MDM4: variants seen among roughly 807,000 people sequenced by gnomAD.
MDM4 encodes the protein MDM4 regulator of p53.
Under a neutral mutation model 60.2 loss-of-function variants are expected in MDM4, and 2 were observed. The ratio of observed to expected loss-of-function variants is 0.03; its 90% CI spans 0.01 to 0.10. The LOEUF is 0.10. Ranked by LOEUF, MDM4 falls within the 10% of genes least tolerant of loss-of-function variation. MDM4 has a pLI of 1.00. For synonymous variants in MDM4, 202 were observed against 198.1 expected (o/e 1.02, Z -0.17); for missense variants, 447 against 577.5 (o/e 0.77, Z 2.32).
At chr1:204,523,808 A>G (rs1467056121) in intron 1 of MDM4, among the ~76,000 whole-genome samples, 1 of 152,132 alleles carries the variant, frequency 6.6e-6, no homozygotes, top group Non-Finnish European at 1.5e-5. Flanking sequence ...TCACGGATGG[A>G]GCAATGGTGA....
chr1:204,537,595 A>G, intron 6 of MDM4, 98 bp downstream of exon 6: 2 of 847,904 alleles, frequency 2.4e-6, no homozygotes, highest in South Asian at 2.9e-5. Flanking sequence ...TGAATGTGGT[A>G]AGAATTTAAT....
At position 204,555,084 on chromosome 1, in the gene MDM4, A is replaced by G. The variant is rs933118481; in HGVS notation, c.*5402A>G. On this transcript the variant is annotated 3_prime_UTR_variant, in exon 11 of 11. Transcript: ENST00000367182. ...AAATCCAAGATGCTGCTTCCCCTGCAGGTTGTTTTCCTTCTTACGATCCTC... is the reference window on the plus strand; with the variant it reads ...AAATCCAAGATGCTGCTTCCCCTGCGGGTTGTTTTCCTTCTTACGATCCTC... The G allele has an allele frequency of 4.8e-6, 1 of 209,288 alleles. No homozygotes were observed. The highest frequency in any genetic ancestry group is 9.7e-6 in the Non-Finnish European group (1 of 103,092). The allele number at this position is 209,288 out of a possible 1,614,324, so 13.0% of individuals were successfully genotyped here. A position where few individuals can be genotyped will look rare whatever the true frequency, so the allele number is the denominator to read the frequency against.
At position 204,551,612 on chromosome 1, in the gene MDM4, G is replaced by C; in HGVS notation, c.*1930G>C. 2 of 231,406 alleles carry C rather than the reference G, an allele frequency of 8.6e-6. No homozygotes were observed. Among genetic ancestry groups the C allele is most frequent in the East Asian group, 6.1e-5 (1 of 16,406 alleles). 14.3% of individuals were successfully genotyped at this position (231,406 alleles called of 1,614,324 possible). A position where few individuals can be genotyped will look rare whatever the true frequency, so the allele number is the denominator to read the frequency against. ...ATGGAAATTGGACATCTTTAAGTTG[G>C]TTTCCATAGAGCTATGCATGTATCC... On this transcript the variant is annotated 3_prime_UTR_variant, in exon 11 of 11. Coordinates refer to ENST00000367182, the MANE Select transcript of MDM4 (RefSeq NM_002393.5).
At chr1:204,538,381 G>A (rs551518563) in intron 7 of MDM4, 73 bp downstream of exon 7, 26 of 799,736 alleles carry the variant, frequency 3.3e-5, no homozygotes, top group Non-Finnish European at 4.9e-5. Context: ...TAATCTCTCC[G>A]TATGTGAAGT....
At chr1:204,518,770 A>G (rs371155470) in intron 1 of MDM4, among the ~76,000 whole-genome samples, 2 of 152,308 alleles carry the variant, frequency 1.3e-5, no homozygotes, top group East Asian at 1.9e-4. Flanking sequence ...GGTTCAAGCT[A>G]TTCTTCTGCC....
intron 9 of MDM4, among the ~76,000 whole-genome samples, chr1:204,546,347 G>T (rs889338270): frequency 6.6e-6 from 1 of 152,034 alleles, no homozygotes. Flanking sequence ...GACTACAGGC[G>T]TGCACCACCA....
At chr1:204,542,074 G>A (rs1194995000) in intron 7 of MDM4, among the ~76,000 whole-genome samples, 1 of 152,198 alleles carries the variant, frequency 6.6e-6, no homozygotes, top group African/African-American at 2.4e-5. Flanking sequence ...TACAATGTGA[G>A]ATCTTTTACT....
At chr1:204,535,157 C>CTTTTTT (rs869147485) in intron 5 of MDM4, among the ~76,000 whole-genome samples, 1 of 130,136 alleles carries the variant, frequency 7.7e-6, no homozygotes, top group Non-Finnish European at 1.7e-5. Context: ...AATGGTAGTT[C>CTTTTTT]TTTTTTTTTT....
intron 5 of MDM4, among the ~76,000 whole-genome samples, chr1:204,535,816 C>T (rs1661350642): frequency 2.0e-5 from 3 of 151,942 alleles, no homozygotes; most frequent in Admixed American, 2.0e-4. Context: ...TCTGGGATTA[C>T]AGGCGTGAGC....
intron 8 of MDM4, among the ~76,000 whole-genome samples, chr1:204,544,022 G>A (rs142408646): frequency 1.4e-4 from 21 of 152,350 alleles, no homozygotes; most frequent in Admixed American, 1.4e-3. Flanking sequence ...AGCATGTCAT[G>A]AAATATTCAT....
chr1:204,552,872 CTTTTTTTT>C lies in MDM4; in HGVS notation c.*3199_*3206del, dbSNP rs71147703. On this transcript the variant is annotated 3_prime_UTR_variant, in exon 11 of 11. Coordinates refer to ENST00000367182, the MANE Select transcript of MDM4 (RefSeq NM_002393.5). ...AACTTTAAACTATTTCTTTTCTTTT[CTTTTTTTT>C]TTTTTTTTACTTGAGATGGAGTTTT... The C allele has an allele frequency of 6.0e-5, 8 of 133,974 alleles. No homozygotes were observed. The highest frequency in any genetic ancestry group is 1.1e-4 in the Non-Finnish European group (7 of 62,694). The allele number at this position is 133,974 out of a possible 1,614,324, so 8.3% of individuals were successfully genotyped here. A position where few individuals can be genotyped will look rare whatever the true frequency, so the allele number is the denominator to read the frequency against.
Position 204,548,928 on chromosome 1 carries a change from G to C in MDM4, c.904-185G>C, listed in dbSNP as rs183001402. ...TTTTGGCTTGAAAATAGCAGTTGTG[G>C]CACTATCAGTGTAAACCTTCCAAAG... is the stretch of plus-strand genomic sequence containing the variant. On this transcript the variant is annotated intron_variant, in intron 10 of 10. Transcript: ENST00000367182. Among the ~76,000 whole-genome samples the C allele has an allele frequency of 1.4e-3, 216 of 152,106 alleles. 1 individual carries two copies. Among genetic ancestry groups the C allele is most frequent in the Non-Finnish European group, 2.3e-3 (158 of 68,018 alleles).
intron 5 of MDM4, among the ~76,000 whole-genome samples, chr1:204,535,760 C>CA (rs1256264072): frequency 1.3e-5 from 2 of 150,760 alleles, no homozygotes; most frequent in Admixed American, 1.3e-4. Context: ...AGGCTGGTCT[C>CA]AAACTCCTGG....
chr1:204,529,586 A>G (rs929869620), intron 3 of MDM4: 19 of 1,384,680 alleles, frequency 1.4e-5, no homozygotes, highest in African/African-American at 2.9e-5. Flanking sequence ...GCACGCTGCC[A>G]TACTGCCCTC....
chr1:204,537,072 G>A (rs1042540087), intron 5 of MDM4: 2 of 255,684 alleles, frequency 7.8e-6, no homozygotes, highest in Non-Finnish European at 1.5e-5. Flanking sequence ...TGAGTTAGGC[G>A]AATTTGGTAA....
intron 3 of MDM4, among the ~76,000 whole-genome samples, chr1:204,529,986 C>T (rs1201261168): frequency 6.6e-6 from 1 of 152,190 alleles, no homozygotes; most frequent in Non-Finnish European, 1.5e-5. Flanking sequence ...AAGTGATCCT[C>T]CCGCCTCAGC....
At chr1:204,548,908 G>A (rs1225367979) in intron 10 of MDM4, among the ~76,000 whole-genome samples, 3 of 151,884 alleles carry the variant, frequency 2.0e-5, no homozygotes, top group African/African-American at 7.3e-5. Context: ...TCAGATTTTG[G>A]CTTGAAAATA....
At position 204,550,121 on chromosome 1, in the gene MDM4, C is replaced by T. The variant is rs145916141; in HGVS notation, c.*439C>T. ...ACAGTCCTTCAGCTATTTCATGGCT[C>T]TCACCCTAGTTTTTTTTTTTTTTGC... On this transcript the variant is annotated 3_prime_UTR_variant, in exon 11 of 11. Coordinates refer to ENST00000367182, the MANE Select transcript of MDM4 (RefSeq NM_002393.5). 5.7e-3 allele frequency: 1,324 copies of T among 231,614 alleles called. 18 individuals are homozygous for T. The highest frequency in any genetic ancestry group is 0.025 in the African/African-American group (1,137 of 45,104). The allele number at this position is 231,614 out of a possible 1,614,324, so 14.3% of individuals were successfully genotyped here.
chr1:204,530,142 C>G (rs1660719284), intron 3 of MDM4, among the ~76,000 whole-genome samples: 1 of 152,196 alleles, frequency 6.6e-6, no homozygotes, highest in African/African-American at 2.4e-5. Flanking sequence ...TCCCAAAGTG[C>G]TGGGATTACA....
Sources: allele counts gnomAD v4.1 joint callset (sites outside exome capture counted in the v4.1 genomes callset), GRCh38; gene constraint gnomAD v4.1.1; transcripts MANE v1.5; gene names NCBI Gene and HGNC (gene_info 2026-07-23, HGNC 2026-07-21).